Variants in GPR158 observed in about 807,000 individuals in gnomAD.
GPR158 encodes the protein metabotropic glycine receptor.
In GPR158, 30 loss-of-function variants were observed where a neutral mutation model predicts 78.2. The observed-to-expected ratio is 0.38, with a 90% CI of 0.29 to 0.52. The LOEUF is 0.52. GPR158 is among the 20% of genes least tolerant of loss of function. GPR158 has a pLI of 0.83. For synonymous variants in GPR158, 581 were observed against 591.1 expected, an observed-to-expected ratio of 0.98 and a Z score of 0.25; for missense variants, 1,463 against 1,523.5, an observed-to-expected ratio of 0.96 and a Z score of 0.66.
intron 5 of GPR158, among the ~76,000 whole-genome samples, chr10:25,507,754 G>A (rs1836031985): frequency 6.6e-6 from 1 of 152,080 alleles, no homozygotes; most frequent in South Asian, 2.1e-4. Flanking sequence ...TTCTCTTTAT[G>A]GCAAAGGGGA....
intron 5 of GPR158, among the ~76,000 whole-genome samples, chr10:25,534,367 C>T (rs1014528478): frequency 3.3e-5 from 5 of 152,096 alleles, no homozygotes; most frequent in South Asian, 2.1e-4. Flanking sequence ...AGGCCAGGCG[C>T]GGTATCTCAT....
intron 1 of GPR158, among the ~76,000 whole-genome samples, chr10:25,208,104 T>C (rs1224078131): frequency 6.6e-6 from 1 of 152,236 alleles, no homozygotes; most frequent in South Asian, 2.1e-4. Flanking sequence ...TATTCAATTG[T>C]GCAGAGCAGG....
intron 4 of GPR158, among the ~76,000 whole-genome samples, chr10:25,456,997 G>A (rs1835299669): frequency 6.6e-6 from 1 of 151,914 alleles, no homozygotes; most frequent in African/African-American, 2.4e-5. Flanking sequence ...GTGTGTGTTG[G>A]AGTCTCGCCC....
intron 2 of GPR158, among the ~76,000 whole-genome samples, chr10:25,309,470 A>G (rs908628682): frequency 2.0e-5 from 3 of 152,110 alleles, no homozygotes; most frequent in Admixed American, 6.6e-5. Flanking sequence ...TATTTGATAT[A>G]TGATTTGCAA....
intron 4 of GPR158, among the ~76,000 whole-genome samples, chr10:25,455,282 G>A (rs934430521): frequency 1.3e-5 from 2 of 152,102 alleles, no homozygotes; most frequent in Non-Finnish European, 2.9e-5. Context: ...GGAGTTATTA[G>A]TTTAGAAAGT....
intron 2 of GPR158, among the ~76,000 whole-genome samples, chr10:25,353,566 A>C (rs35989426): frequency 3.2e-4 from 49 of 152,040 alleles, no homozygotes; most frequent in South Asian, 2.5e-3. Flanking sequence ...GTTCACATGT[A>C]TGTTTGTTAT....
In GPR158 at chr10:25,593,976, C is replaced by T. The variant is rs189343766; in HGVS notation, c.1893-316C>T. Among the ~76,000 whole-genome samples, 73 of 152,046 alleles carry T rather than the reference C, an allele frequency of 4.8e-4. No individual in the cohort carries two copies. In the East Asian group the frequency reaches 9.1e-3, roughly 19 times the overall value. On this transcript the variant is annotated intron_variant, in intron 8 of 10. Coordinates refer to ENST00000376351, the MANE Select transcript of GPR158 (RefSeq NM_020752.3). Reference sequence around the variant, plus strand: ...ATTTGTATTGTAAGTTTGTAACCTACTCCTCTTGAATTTACATATATTTAC... The same window carrying T: ...ATTTGTATTGTAAGTTTGTAACCTATTCCTCTTGAATTTACATATATTTAC...
chr10:25,438,324 C>G (rs1254161776), intron 4 of GPR158, among the ~76,000 whole-genome samples: 1 of 152,068 alleles, frequency 6.6e-6, no homozygotes, highest in Non-Finnish European at 1.5e-5. Flanking sequence ...CTCTGAAGTT[C>G]TAATCAAAGG....
chr10:25,387,599 T>C (rs940095854), intron 2 of GPR158, among the ~76,000 whole-genome samples: 26 of 150,454 alleles, frequency 1.7e-4, no homozygotes, highest in African/African-American at 6.4e-4. Context: ...CACTGCAACC[T>C]CCGCCTCCTG....
intron 4 of GPR158, among the ~76,000 whole-genome samples, chr10:25,433,060 T>G (rs548340945): frequency 1.2e-4 from 18 of 152,306 alleles, no homozygotes; most frequent in African/African-American, 4.1e-4. Context: ...AGTTGGATAT[T>G]ATCCTCATTT....
intron 6 of GPR158, among the ~76,000 whole-genome samples, chr10:25,565,559 T>TA (rs1377868626): frequency 6.6e-6 from 1 of 151,450 alleles, no homozygotes; most frequent in Non-Finnish European, 1.5e-5. Flanking sequence ...GCTAGATAGT[T>TA]CTATTTTAGT....
At chr10:25,352,838 A>G (rs868052524) in intron 2 of GPR158, among the ~76,000 whole-genome samples, 2 of 152,184 alleles carry the variant, frequency 1.3e-5, no homozygotes, top group Middle Eastern at 3.4e-3. Context: ...GTTACTCTGT[A>G]TGTTATTTTC....
intron 2 of GPR158, among the ~76,000 whole-genome samples, chr10:25,245,869 A>G (rs1853682833): frequency 6.6e-6 from 1 of 152,212 alleles, no homozygotes; most frequent in African/African-American, 2.4e-5. Context: ...AAAAATTATG[A>G]AATCTTTTAT....
chr10:25,499,853 G>C (rs1194777540), intron 5 of GPR158, among the ~76,000 whole-genome samples: 1 of 152,176 alleles, frequency 6.6e-6, no homozygotes, highest in Admixed American at 6.5e-5. Flanking sequence ...CAGTGTGCCT[G>C]CGTCACTGTG....
At chr10:25,307,604 G>T (rs115712514) in intron 2 of GPR158, among the ~76,000 whole-genome samples, 3,644 of 151,760 alleles carry the variant, frequency 0.024, 124 homozygotes, top group African/African-American at 0.073. Flanking sequence ...CGAGCTTCTG[G>T]GCTCAAGCAA....
At chr10:25,569,887 A>G (rs897953335) in intron 6 of GPR158, among the ~76,000 whole-genome samples, 2 of 152,192 alleles carry the variant, frequency 1.3e-5, no homozygotes, top group African/African-American at 4.8e-5. Context: ...TATACCTTCC[A>G]CATTGCCTAG....
chr10:25,299,836 AT>A (rs1015352933), intron 2 of GPR158, among the ~76,000 whole-genome samples: 1 of 151,618 alleles, frequency 6.6e-6, no homozygotes, highest in African/African-American at 2.4e-5. Flanking sequence ...TTTTATTTTT[AT>A]TTTTTTTGAG....
At chr10:25,332,654 A>G (rs992234569) in intron 2 of GPR158, among the ~76,000 whole-genome samples, 1 of 152,080 alleles carries the variant, frequency 6.6e-6, no homozygotes, top group Admixed American at 6.6e-5. Flanking sequence ...CTTTCATTTC[A>G]TTGTTCTTTC....
chr10:25,385,638 A>G (rs1308534011), intron 2 of GPR158, among the ~76,000 whole-genome samples: 3 of 152,094 alleles, frequency 2.0e-5, no homozygotes, highest in African/African-American at 4.8e-5. Context: ...TATTATTATT[A>G]TAATTTTTTG....
Sources: allele counts gnomAD v4.1 joint callset (sites outside exome capture counted in the v4.1 genomes callset), GRCh38; gene constraint gnomAD v4.1.1; transcripts MANE v1.5; gene names NCBI Gene and HGNC (gene_info 2026-07-23, HGNC 2026-07-21).